Variants in ARSB observed in about 807,000 individuals in gnomAD.
The protein encoded by ARSB is N-acetylgalactosamine-4-sulfatase.
ARSB carries 41 observed loss-of-function variants against 50.9 expected under a neutral mutation model. That is an observed-to-expected ratio of 0.81 (90% confidence interval 0.63 to 1.04). The LOEUF (loss-of-function observed/expected upper bound fraction) is 1.04, where lower values mean the gene tolerates loss of function less well. ARSB is among the 50% of genes least tolerant of loss of function. The pLI is 0.00. For synonymous variants in ARSB, 269 were observed against 284.8 expected (o/e 0.94, Z 0.56); for missense variants, 672 against 693.3 (o/e 0.97, Z 0.35).
At chr5:78,817,550 T>C (rs138370850) in intron 6 of ARSB, among the ~76,000 whole-genome samples, 131 of 152,320 alleles carry the variant, frequency 8.6e-4, no homozygotes, top group African/African-American at 3.1e-3. Context: ...GGCTCACACC[T>C]GTACTCCCAG....
At chr5:78,878,311 A>G (rs1364997723) in intron 5 of ARSB, among the ~76,000 whole-genome samples, 1 of 152,218 alleles carries the variant, frequency 6.6e-6, no homozygotes. Context: ...AAGACAATAT[A>G]ATGAAGGACA....
In ARSB at chr5:78,855,510, C is replaced by T. The variant is rs376929467; in HGVS notation, c.1143-16084G>A. On this transcript the variant is annotated intron_variant, in intron 5 of 7. Transcript: ENST00000264914. ...GTCAGGCCATTGGGCTGGGGCAGTTCAGCAATGGCTTAGCCTCAGGGATAA... is the reference window on the plus strand; with the variant it reads ...GTCAGGCCATTGGGCTGGGGCAGTTTAGCAATGGCTTAGCCTCAGGGATAA... Among the ~76,000 whole-genome samples the T allele has an allele frequency of 1.2e-4, 18 of 152,292 alleles. No individual in the cohort carries two copies. The East Asian group carries it at 1.5e-3, about 13-fold the overall frequency.
chr5:78,961,185 A>T (rs1479077401), intron 3 of ARSB, among the ~76,000 whole-genome samples: 1 of 152,188 alleles, frequency 6.6e-6, no homozygotes, highest in East Asian at 1.9e-4. Context: ...TATATATAGT[A>T]CCTGAGAAAT....
intron 4 of ARSB, among the ~76,000 whole-genome samples, chr5:78,894,967 G>T (rs1748495466): frequency 1.3e-5 from 2 of 152,212 alleles, no homozygotes; most frequent in Non-Finnish European, 2.9e-5. Context: ...AGAGGCAAAT[G>T]GCTAACAGGA....
intron 2 of ARSB, among the ~76,000 whole-genome samples, chr5:78,966,034 G>A (rs1324441831): frequency 6.6e-6 from 1 of 152,184 alleles, no homozygotes; most frequent in African/African-American, 2.4e-5. Flanking sequence ...TCAGAACACT[G>A]GAGGTCTATT....
chr5:78,819,687 C>T (rs1744134876), intron 6 of ARSB, among the ~76,000 whole-genome samples: 1 of 152,200 alleles, frequency 6.6e-6, no homozygotes, highest in African/African-American at 2.4e-5. Flanking sequence ...AGTTCGTCTT[C>T]ATATCCCTAA....
At chr5:78,846,696 T>G (rs931214680) in intron 5 of ARSB, among the ~76,000 whole-genome samples, 2 of 152,170 alleles carry the variant, frequency 1.3e-5, no homozygotes, top group Non-Finnish European at 2.9e-5. Context: ...CATCTGCAAA[T>G]AGGGACAATT....
intron 6 of ARSB, among the ~76,000 whole-genome samples, chr5:78,801,963 C>T (rs1246784458): frequency 6.6e-6 from 1 of 152,046 alleles, no homozygotes; most frequent in Non-Finnish European, 1.5e-5. Flanking sequence ...CAGCAGCCAG[C>T]GTTATCTTAA....
Position 78,985,058 on chromosome 5 carries a change from C to T in ARSB, c.191G>A (p.Gly64Asp), listed in dbSNP as rs755330829. ...CAGGTGCGGCGTGCGGATGCGGGAG[C>T]CGTGGAAGCCGACGTCGTTCCAGCC... ...DLGWNDVGFHGSRIRTPHLDA... is the reference protein window; with the variant it reads ...DLGWNDVGFHDSRIRTPHLDA... Residue 64 changes from glycine to aspartate, a missense_variant, in exon 1 of 8, where the codon GGC becomes GAC. Coordinates refer to ENST00000264914, the MANE Select transcript of ARSB (RefSeq NM_000046.5). The T allele has an allele frequency of 1.3e-6, 2 of 1,541,246 alleles. No individual in the cohort carries two copies. Among genetic ancestry groups the T allele is most frequent in the East Asian group, 2.7e-5 (1 of 37,412 alleles).
intron 6 of ARSB, among the ~76,000 whole-genome samples, chr5:78,796,168 T>G (rs1452307414): frequency 2.0e-5 from 3 of 152,250 alleles, no homozygotes; most frequent in Admixed American, 2.0e-4. Flanking sequence ...CTTCTCATGC[T>G]TTGGTTTAAA....
chr5:78,983,980 T>C (rs541825605), intron 1 of ARSB, among the ~76,000 whole-genome samples: 1 of 152,314 alleles, frequency 6.6e-6, no homozygotes, highest in Non-Finnish European at 1.5e-5. Context: ...GTATTTAATA[T>C]GGTCATAATA....
intron 5 of ARSB, among the ~76,000 whole-genome samples, chr5:78,853,386 T>C (rs1258329253): frequency 6.6e-6 from 1 of 152,208 alleles, no homozygotes; most frequent in African/African-American, 2.4e-5. Flanking sequence ...TCGTGAACCA[T>C]GAATGCTGCT....
At chr5:78,873,173 A>G (rs1747309768) in intron 5 of ARSB, among the ~76,000 whole-genome samples, 1 of 152,200 alleles carries the variant, frequency 6.6e-6, no homozygotes, top group African/African-American at 2.4e-5. Context: ...TCAACTGCCA[A>G]TATTAAAGAA....
chr5:78,828,313 C>T (rs1470612134), intron 6 of ARSB, among the ~76,000 whole-genome samples: 3 of 152,098 alleles, frequency 2.0e-5, no homozygotes, highest in Non-Finnish European at 4.4e-5. Context: ...AAAGGAGCTT[C>T]CCTGCTGCAT....
intron 5 of ARSB, among the ~76,000 whole-genome samples, chr5:78,879,225 G>A (rs761790689): frequency 2.6e-5 from 4 of 152,110 alleles, no homozygotes; most frequent in Non-Finnish European, 5.9e-5. Flanking sequence ...TAATCCTTTG[G>A]TTTTCCTTTT....
intron 5 of ARSB, among the ~76,000 whole-genome samples, chr5:78,846,940 T>C (rs77973788): frequency 0.021 from 3,121 of 152,240 alleles, 107 homozygotes; most frequent in African/African-American, 0.069. Context: ...AACTAATTAG[T>C]TGAGTGTTTT....
chr5:78,981,798 G>C (rs1752915376), intron 1 of ARSB, among the ~76,000 whole-genome samples: 1 of 152,188 alleles, frequency 6.6e-6, no homozygotes, highest in Non-Finnish European at 1.5e-5. Flanking sequence ...ATAAAGTCCA[G>C]TCAGTCTAGG....
At chr5:78,811,972 C>T (rs967891249) in intron 6 of ARSB, among the ~76,000 whole-genome samples, 2 of 151,786 alleles carry the variant, frequency 1.3e-5, no homozygotes, top group African/African-American at 4.8e-5. Context: ...TAATCCTGTA[C>T]CAGTGATTAA....
At chr5:78,794,183 T>G (rs1743090466) in intron 6 of ARSB, among the ~76,000 whole-genome samples, 1 of 152,206 alleles carries the variant, frequency 6.6e-6, no homozygotes, top group Non-Finnish European at 1.5e-5. Flanking sequence ...GTATAGGTGC[T>G]GTAGTGGATT....
Sources: gnomAD v4.1 joint callset for allele counts (sites outside exome capture counted in the v4.1 genomes callset) on GRCh38, gnomAD v4.1.1 for gene constraint, MANE v1.5 for transcripts, NCBI Gene and HGNC (gene_info 2026-07-23, HGNC 2026-07-21) for gene names.